KIRREL3: variants seen among roughly 807,000 people sequenced by gnomAD.
KIRREL3 encodes the protein kin of IRRE-like protein 3.
Under a neutral mutation model 89.7 loss-of-function variants are expected in KIRREL3, and 36 were observed. The ratio of observed to expected loss-of-function variants is 0.40; its 90% CI spans 0.31 to 0.53. The LOEUF (loss-of-function observed/expected upper bound fraction) is 0.53, where lower values mean the gene tolerates loss of function less well. KIRREL3 is among the 20% of genes least tolerant of loss of function. KIRREL3 has a pLI of 0.49. For missense variants in KIRREL3, 864 were observed against 1,056.6 expected, an observed-to-expected ratio of 0.82 and a Z score of 2.53; for synonymous variants, 445 against 441.4, an observed-to-expected ratio of 1.01 and a Z score of -0.10.
chr11:126,898,679 A>G lies in KIRREL3; in HGVS notation c.55+101776T>C, dbSNP rs1357700721. On this transcript the variant is annotated intron_variant, in intron 1 of 16. Transcript: ENST00000525144. This position sits in a 1 kb window ranked among gnomAD's most constrained non-coding sequence, Gnocchi z 4.9. ...TTTACATATATTTTGGAAGACCTTT[A>G]TCAAACATAGAATAGTTACCTGGGG... 6.6e-6 allele frequency among the ~76,000 whole-genome samples: 1 copy of G among 152,172 alleles called. No homozygotes were observed. Among genetic ancestry groups the G allele is most frequent in the African/African-American group, 2.4e-5 (1 of 41,434 alleles).
In KIRREL3 at chr11:126,772,844, C is replaced by G. The variant is rs146881838; in HGVS notation, c.56-209932G>C. Among the ~76,000 whole-genome samples the G allele has an allele frequency of 5.1e-4, 78 of 152,288 alleles. 1 individual carries two copies. The highest frequency in any genetic ancestry group is 1.8e-3 in the African/African-American group (76 of 41,558). Reference sequence around the variant, plus strand: ...TTTGCCCCTAATGCCAGCACCATACCTACTGCATCTGGATCTTCATAATTT... The same window carrying G: ...TTTGCCCCTAATGCCAGCACCATACGTACTGCATCTGGATCTTCATAATTT... On this transcript the variant is annotated intron_variant, in intron 1 of 16. Transcript: ENST00000525144. The surrounding 1 kb of genome is among the most constrained non-coding windows in gnomAD (Gnocchi z 4.6).
In KIRREL3 at chr11:126,929,259, T is replaced by C. The variant is rs116179859; in HGVS notation, c.55+71196A>G. Among the ~76,000 whole-genome samples, 1,333 of 152,204 alleles carry C rather than the reference T, an allele frequency of 8.8e-3. 24 individuals are homozygous for C. The highest frequency in any genetic ancestry group is 0.031 in the African/African-American group (1,273 of 41,530). On this transcript the variant is annotated intron_variant, in intron 1 of 16. Coordinates refer to ENST00000525144, the MANE Select transcript of KIRREL3 (RefSeq NM_032531.4). Reference sequence around the variant, plus strand: ...GTCAAGTGACAAGATGTGGTCATAGTGTAGGGATGAGTCCCAGAGCCTCCT... The same window carrying C: ...GTCAAGTGACAAGATGTGGTCATAGCGTAGGGATGAGTCCCAGAGCCTCCT...
intron 1 of KIRREL3, among the ~76,000 whole-genome samples, chr11:126,835,793 G>C (rs1475503690): frequency 6.6e-6 from 1 of 152,194 alleles, no homozygotes; most frequent in Admixed American, 6.5e-5. Flanking sequence ...CTTTGCCTAG[G>C]GGATTTGGTT....
In KIRREL3 at chr11:126,776,139, C is replaced by T. The variant is rs535204931; in HGVS notation, c.56-213227G>A. Among the ~76,000 whole-genome samples the T allele has an allele frequency of 4.6e-5, 7 of 152,254 alleles. No individual in the cohort carries two copies. Among genetic ancestry groups the T allele is most frequent in the African/African-American group, 9.6e-5 (4 of 41,570 alleles). ...ATCCCTGAGTTTCTGCCAGCTCTGC[C>T]GGGAGCCCTGACCTCTAGAAGCTGG... On this transcript the variant is annotated intron_variant, in intron 1 of 16. Transcript: ENST00000525144. The surrounding 1 kb of genome is among the most constrained non-coding windows in gnomAD (Gnocchi z 4.7).
intron 1 of KIRREL3, chr11:126,935,279 T>C (rs1457810782): frequency 7.3e-6 from 1 of 137,860 alleles, no homozygotes; most frequent in African/African-American, 2.7e-5. Context: ...GAAGGCAAAA[T>C]GGCACAGCCA....
rs1208279680 is a variant in KIRREL3 at position 126,796,312 on chromosome 11, G to C, written c.55+204143C>G. 6.6e-6 allele frequency among the ~76,000 whole-genome samples: 1 copy of C among 152,206 alleles called. No homozygotes were observed. Among genetic ancestry groups the C allele is most frequent in the African/African-American group, 2.4e-5 (1 of 41,452 alleles). Reference sequence around the variant, plus strand: ...GGGCTCGATCCATGTGAGTTCCCTGGCTTGCTGATCCCAGACTGGGCTGAC... The same window carrying C: ...GGGCTCGATCCATGTGAGTTCCCTGCCTTGCTGATCCCAGACTGGGCTGAC... On this transcript the variant is annotated intron_variant, in intron 1 of 16. Coordinates refer to ENST00000525144, the MANE Select transcript of KIRREL3 (RefSeq NM_032531.4). This position sits in a 1 kb window ranked among gnomAD's most constrained non-coding sequence, Gnocchi z 5.1.
rs1592138787 is a variant in KIRREL3 at position 126,795,316 on chromosome 11, G to A, written c.55+205139C>T. Among the ~76,000 whole-genome samples, 1 of 152,132 alleles carries A rather than the reference G, an allele frequency of 6.6e-6. No homozygotes were observed. The highest frequency in any genetic ancestry group is 1.9e-4 in the East Asian group (1 of 5,202). ...CACTAATGCAAGATGCTAATAATGG[G>A]GGAAACTCAGGGCAGAGGTTGGGAG... On this transcript the variant is annotated intron_variant, in intron 1 of 16. Coordinates refer to ENST00000525144, the MANE Select transcript of KIRREL3 (RefSeq NM_032531.4). This position sits in a 1 kb window ranked among gnomAD's most constrained non-coding sequence, Gnocchi z 4.1.
chr11:126,593,878 A>G (rs1942267740), intron 1 of KIRREL3, among the ~76,000 whole-genome samples: 1 of 152,220 alleles, frequency 6.6e-6, no homozygotes, highest in East Asian at 1.9e-4. Context: ...CGTTGCCATC[A>G]CTGCGAGACT....
intron 4 of KIRREL3, among the ~76,000 whole-genome samples, chr11:126,493,292 C>T (rs1313626591): frequency 1.3e-4 from 20 of 152,260 alleles, no homozygotes; most frequent in African/African-American, 3.6e-4. Context: ...GAGGCCGAGA[C>T]GGGTGGATCA....
chr11:126,896,144 C>A lies in KIRREL3; in HGVS notation c.55+104311G>T, dbSNP rs114631923. ...TGAAGAGCACATGTATAGCTTATAG[C>A]AAATAAAAAGCTGGACCTGTTAAAG... On this transcript the variant is annotated intron_variant, in intron 1 of 16. Transcript: ENST00000525144. This position sits in a 1 kb window ranked among gnomAD's most constrained non-coding sequence, Gnocchi z 4.1. Among the ~76,000 whole-genome samples the A allele has an allele frequency of 6.6e-6, 1 of 152,274 alleles. No individual in the cohort carries two copies. The highest frequency in any genetic ancestry group is 2.4e-5 in the African/African-American group (1 of 41,566).
chr11:126,511,491 G>A (rs1470932953), intron 4 of KIRREL3, among the ~76,000 whole-genome samples: 1 of 152,186 alleles, frequency 6.6e-6, no homozygotes, highest in Non-Finnish European at 1.5e-5. Flanking sequence ...AGGCAGCAAT[G>A]CATCTTTCCT....
chr11:126,985,549 T>C lies in KIRREL3; in HGVS notation c.55+14906A>G, dbSNP rs1045877082. On this transcript the variant is annotated intron_variant, in intron 1 of 16. Coordinates refer to ENST00000525144, the MANE Select transcript of KIRREL3 (RefSeq NM_032531.4). The surrounding 1 kb of genome is among the most constrained non-coding windows in gnomAD (Gnocchi z 5.3). Reference sequence around the variant, plus strand: ...CAGGAGGCAAAAGGAGCTGAGTCTTTAGGGTAGAAGTTATCTAGACTAACC... The same window carrying C: ...CAGGAGGCAAAAGGAGCTGAGTCTTCAGGGTAGAAGTTATCTAGACTAACC... Among the ~76,000 whole-genome samples, 6 of 152,056 alleles carry C rather than the reference T, an allele frequency of 3.9e-5. No homozygotes were observed. Among genetic ancestry groups the C allele is most frequent in the African/African-American group, 1.2e-4 (5 of 41,376 alleles).
chr11:126,702,714 C>T (rs1459298848), intron 1 of KIRREL3, among the ~76,000 whole-genome samples: 1 of 152,222 alleles, frequency 6.6e-6, no homozygotes, highest in African/African-American at 2.4e-5. Flanking sequence ...CCCTCTCTGC[C>T]CAGCCACCTC....
intron 1 of KIRREL3, among the ~76,000 whole-genome samples, chr11:126,966,848 C>G (rs1232579997): frequency 6.6e-6 from 1 of 152,218 alleles, no homozygotes; most frequent in Non-Finnish European, 1.5e-5. Flanking sequence ...AATCAGCACA[C>G]TTTCTGACAC....
intron 1 of KIRREL3, among the ~76,000 whole-genome samples, chr11:126,591,607 G>T (rs1245464979): frequency 2.0e-5 from 3 of 152,212 alleles, no homozygotes; most frequent in African/African-American, 7.2e-5. Flanking sequence ...AGCTCTGGGG[G>T]CCCCATCAGG....
rs187822825 is a variant in KIRREL3, at chr11:126,657,087, A to G, written c.56-94175T>C. On this transcript the variant is annotated intron_variant, in intron 1 of 16. Transcript: ENST00000525144. ...AAAGAAACAAAAAAAAACAGAAAAA[A>G]TAAATGAAACCATGATTTTCTCTCA... Among the ~76,000 whole-genome samples the G allele has an allele frequency of 8.7e-3, 1,331 of 152,216 alleles. 13 individuals are homozygous for G. The highest frequency in any genetic ancestry group is 0.016 in the South Asian group (75 of 4,828).
At chr11:126,618,274 T>TC (rs1943435721) in intron 1 of KIRREL3, among the ~76,000 whole-genome samples, 1 of 21,646 alleles carries the variant, frequency 4.6e-5, no homozygotes, top group African/African-American at 9.2e-5. Context: ...TCATGAGAAC[T>TC]CACCCACATG....
rs980637465 is a variant in KIRREL3 at position 126,795,250 on chromosome 11, A to G, written c.55+205205T>C. On this transcript the variant is annotated intron_variant, in intron 1 of 16. Coordinates refer to ENST00000525144, the MANE Select transcript of KIRREL3 (RefSeq NM_032531.4). The surrounding 1 kb of genome is among the most constrained non-coding windows in gnomAD (Gnocchi z 4.1). ...TAAACTAGGGACTTCAATTCATAAC[A>G]ATGTATCTATATTGGCTTACCAATG... Among the ~76,000 whole-genome samples, 2 of 152,254 alleles carry G rather than the reference A, an allele frequency of 1.3e-5. No individual in the cohort carries two copies. The highest frequency in any genetic ancestry group is 6.5e-5 in the Admixed American group (1 of 15,292).
intron 1 of KIRREL3, among the ~76,000 whole-genome samples, chr11:126,746,512 T>C (rs1490261358): frequency 6.6e-6 from 1 of 152,152 alleles, no homozygotes; most frequent in African/African-American, 2.4e-5. Flanking sequence ...ACATCTCTAC[T>C]AGCATATGCT....
Sources: allele counts gnomAD v4.1 joint callset (sites outside exome capture counted in the v4.1 genomes callset), GRCh38; gene constraint gnomAD v4.1.1; non-coding constraint Gnocchi (gnomAD v3.1); transcripts MANE v1.5; gene names NCBI Gene and HGNC (gene_info 2026-07-23, HGNC 2026-07-21).